Variants in FNIP1 observed in about 807,000 individuals in gnomAD.
FNIP1 encodes the protein folliculin interacting protein 1, also known as folliculin-interacting protein 1.
FNIP1 carries 40 observed loss-of-function variants against 124.5 expected under a neutral mutation model. The ratio of observed to expected loss-of-function variants is 0.32; its 90% CI spans 0.25 to 0.42. The LOEUF is 0.42. Ranked by LOEUF, FNIP1 falls within the 10% of genes least tolerant of loss-of-function variation. The probability of loss-of-function intolerance (pLI) is 1.00; values close to 1 mark genes in which losing one functional copy is unlikely to be tolerated. For missense variants in FNIP1, 1,176 were observed against 1,403.7 expected, an observed-to-expected ratio of 0.84 and a Z score of 2.59; for synonymous variants, 472 against 470.6, an observed-to-expected ratio of 1.00 and a Z score of -0.04.
At position 131,702,869 on chromosome 5, in the gene FNIP1, G is replaced by A. The variant is rs547159977; in HGVS notation, c.1116+1196C>T. Among the ~76,000 whole-genome samples, 24 of 151,828 alleles carry A rather than the reference G, an allele frequency of 1.6e-4. No homozygotes were observed. The South Asian group carries it at 4.4e-3, about 28-fold the overall frequency. ...ATTGAATAGCCAATCCTTTTCCTTC[G>A]CCTCTGCTGGTTCCTTCTCATCTCG... On this transcript the variant is annotated intron_variant, in intron 10 of 17. Transcript: ENST00000510461.
chr5:131,666,709 G>A (rs1021742196), intron 15 of FNIP1, among the ~76,000 whole-genome samples: 2 of 152,064 alleles, frequency 1.3e-5, no homozygotes, highest in Non-Finnish European at 2.9e-5. Context: ...AAGTGCCTGG[G>A]ACACAGTAAG....
intron 10 of FNIP1, among the ~76,000 whole-genome samples, chr5:131,700,608 C>T (rs1234172479): frequency 1.3e-5 from 2 of 151,950 alleles, no homozygotes; most frequent in African/African-American, 2.4e-5. Flanking sequence ...TATTATTTTG[C>T]TAGAATTTGG....
At chr5:131,760,255 G>A (rs1401407065) in intron 1 of FNIP1, among the ~76,000 whole-genome samples, 1 of 151,610 alleles carries the variant, frequency 6.6e-6, no homozygotes, top group Non-Finnish European at 1.5e-5. Flanking sequence ...TAAAAAAAAA[G>A]AAATCAGGGT....
rs1179827031 is a variant in FNIP1 at position 131,652,007 on chromosome 5, T to C, written c.3109-8A>G. On this transcript the variant is annotated splice_polypyrimidine_tract_variant and splice_region_variant and intron_variant, in intron 15 of 17. Transcript: ENST00000510461. Reference sequence around the variant, plus strand: ...TTCATCCAAAACTGGATGCTGGAAATAAAAGAATAATTCATCTTATGTTTA... The same window carrying C: ...TTCATCCAAAACTGGATGCTGGAAACAAAAGAATAATTCATCTTATGTTTA... 3.7e-6 allele frequency: 6 copies of C among 1,607,770 alleles called. No individual in the cohort carries two copies. The highest frequency in any genetic ancestry group is 5.1e-6 in the Non-Finnish European group (6 of 1,177,284).
At chr5:131,764,149 A>AC (rs1285002226) in intron 1 of FNIP1, among the ~76,000 whole-genome samples, 3 of 151,908 alleles carry the variant, frequency 2.0e-5, no homozygotes, top group African/African-American at 7.3e-5. Flanking sequence ...TTCTGCCATG[A>AC]CTGCAAGTTT....
At position 131,672,201 on chromosome 5, in the gene FNIP1, T is replaced by C; in HGVS notation, c.2243A>G (p.Gln748Arg). 1.2e-6 allele frequency: 2 copies of C among 1,614,222 alleles called. No homozygotes were observed. Among genetic ancestry groups the C allele is most frequent in the South Asian group, 1.1e-5 (1 of 91,086 alleles). ...VPASFSCEAA[Q>R]TKVTFLIGDS... ...CCCAATCAGGAAAGTAACCTTTGTC[T>C]GGGCAGCCTCACAAGAAAATGAAGC... Residue 748 changes from glutamine to arginine, a missense_variant, in exon 14 of 18, where the codon CAG becomes CGG. By Grantham distance (43) the Gln-to-Arg change is conservative. Coordinates refer to ENST00000510461, the MANE Select transcript of FNIP1 (RefSeq NM_133372.3).
intron 1 of FNIP1, among the ~76,000 whole-genome samples, chr5:131,786,120 T>A (rs973582332): frequency 6.6e-6 from 1 of 152,224 alleles, no homozygotes; most frequent in African/African-American, 2.4e-5. Flanking sequence ...AAATTGCTCA[T>A]TGAATGAATA....
chr5:131,743,935 T>C lies in FNIP1; in HGVS notation c.219+629A>G, dbSNP rs1194274751. On this transcript the variant is annotated intron_variant, in intron 2 of 17. Coordinates refer to ENST00000510461, the MANE Select transcript of FNIP1 (RefSeq NM_133372.3). ...AATTATTTTAGCAGCTTTGTGAATG[T>C]TTCCAAGCAAAGAGAAAAGCTGAGA... is the stretch of plus-strand genomic sequence containing the variant. 3.3e-5 allele frequency among the ~76,000 whole-genome samples: 5 copies of C among 152,148 alleles called. No homozygotes were observed. In the East Asian group the frequency reaches 9.7e-4, roughly 29 times the overall value.
intron 1 of FNIP1, among the ~76,000 whole-genome samples, chr5:131,793,935 T>A (rs1010435657): frequency 6.6e-6 from 1 of 151,914 alleles, no homozygotes; most frequent in Non-Finnish European, 1.5e-5. Flanking sequence ...AAAACCTGGG[T>A]TATATAAAAA....
chr5:131,712,404 A>G (rs946560592), intron 6 of FNIP1, among the ~76,000 whole-genome samples: 3 of 151,902 alleles, frequency 2.0e-5, no homozygotes, highest in African/African-American at 7.2e-5. Flanking sequence ...TCATCCAAGG[A>G]CCCGTTGGGT....
At chr5:131,763,998 T>C (rs1189266172) in intron 1 of FNIP1, among the ~76,000 whole-genome samples, 1 of 152,132 alleles carries the variant, frequency 6.6e-6, no homozygotes, top group Non-Finnish European at 1.5e-5. Flanking sequence ...TTCTCATGAA[T>C]GGTTTAGCAC....
intron 6 of FNIP1, among the ~76,000 whole-genome samples, chr5:131,713,512 T>C (rs1769370051): frequency 6.6e-6 from 1 of 152,228 alleles, no homozygotes; most frequent in South Asian, 2.1e-4. Context: ...GGTCAACTTC[T>C]ATTATTTTTA....
chr5:131,780,560 T>A (rs1771964403), intron 1 of FNIP1, among the ~76,000 whole-genome samples: 1 of 152,214 alleles, frequency 6.6e-6, no homozygotes, highest in Non-Finnish European at 1.5e-5. Context: ...ATGCCACTTT[T>A]TGTCTCTGTG....
At chr5:131,707,330 G>T (rs1769147652) in intron 8 of FNIP1, among the ~76,000 whole-genome samples, 1 of 152,122 alleles carries the variant, frequency 6.6e-6, no homozygotes, top group African/African-American at 2.4e-5. Flanking sequence ...CTTTTGTTTG[G>T]CAATATTCCA....
intron 2 of FNIP1, among the ~76,000 whole-genome samples, chr5:131,737,471 G>T (rs1356765296): frequency 6.6e-6 from 1 of 152,136 alleles, no homozygotes; most frequent in Non-Finnish European, 1.5e-5. Context: ...AGCCTGGAAT[G>T]TCTTTCCAGC....
At chr5:131,768,768 C>T (rs1490038434) in intron 1 of FNIP1, among the ~76,000 whole-genome samples, 1 of 152,068 alleles carries the variant, frequency 6.6e-6, no homozygotes, top group Non-Finnish European at 1.5e-5. Flanking sequence ...CACTGCACTC[C>T]AGCGTGGGCG....
At chr5:131,787,138 CA>C (rs1251696106) in intron 1 of FNIP1, among the ~76,000 whole-genome samples, 17 of 152,160 alleles carry the variant, frequency 1.1e-4, no homozygotes. Context: ...CCACAGTAAC[CA>C]AAATAGGTAG....
chr5:131,647,137 C>G lies in FNIP1; in HGVS notation c.3375G>C (p.Leu1125=), dbSNP rs1766909103. 1.2e-6 allele frequency: 2 copies of G among 1,614,056 alleles called. No individual in the cohort carries two copies. Among genetic ancestry groups the G allele is most frequent in the Non-Finnish European group, 1.7e-6 (2 of 1,180,016 alleles). ...TGACATGAACACGCATCTGCCCCCTCAGGTATTCAGACAGCATTTTACTTT... is the reference window on the plus strand; with the variant it reads ...TGACATGAACACGCATCTGCCCCCTGAGGTATTCAGACAGCATTTTACTTT... ...YFKSKMLSEY[L]RGQMRVHVKE... The change falls in exon 17 of 18, where the codon CTG becomes CTC. Residue 1125 remains leucine, a synonymous_variant. Transcript: ENST00000510461.
intron 15 of FNIP1, among the ~76,000 whole-genome samples, chr5:131,668,484 A>G (rs1767663551): frequency 6.6e-6 from 1 of 152,200 alleles, no homozygotes; most frequent in African/African-American, 2.4e-5. Context: ...TCGGAGTTCC[A>G]GACCAACCTG....
Sources: allele counts gnomAD v4.1 joint callset (sites outside exome capture counted in the v4.1 genomes callset), GRCh38; gene constraint gnomAD v4.1.1; transcripts MANE v1.5; gene names NCBI Gene and HGNC (gene_info 2026-07-23, HGNC 2026-07-21).